Variants in SNTG2 observed in about 807,000 individuals in gnomAD.
SNTG2 encodes the protein syntrophin gamma 2.
Under a neutral mutation model 70.9 loss-of-function variants are expected in SNTG2, and 74 were observed. The ratio of observed to expected loss-of-function variants is 1.04; its 90% CI spans 0.86 to 1.27. SNTG2 has a LOEUF of 1.27. Ranked by LOEUF, SNTG2 falls within the 50% of genes most tolerant of loss-of-function variation. SNTG2 has a pLI of 0.00. For missense variants in SNTG2, 717 were observed against 690.7 expected (o/e 1.04, Z -0.43); for synonymous variants, 278 against 273.8 (o/e 1.02, Z -0.15).
chr2:957,707 T>C (rs1279829235), intron 1 of SNTG2, among the ~76,000 whole-genome samples: 2 of 151,930 alleles, frequency 1.3e-5, no homozygotes, highest in Non-Finnish European at 2.9e-5. Flanking sequence ...AAGGCGAGAC[T>C]GGTACTGAGA....
At chr2:1,280,173 G>C (rs1679455870) in intron 14 of SNTG2, among the ~76,000 whole-genome samples, 1 of 151,802 alleles carries the variant, frequency 6.6e-6, no homozygotes, top group African/African-American at 2.4e-5. Context: ...ATGTATTTTT[G>C]TTTCTCCTGA....
intron 2 of SNTG2, among the ~76,000 whole-genome samples, chr2:1,096,750 C>T (rs960633082): frequency 3.9e-5 from 6 of 152,164 alleles, no homozygotes; most frequent in Non-Finnish European, 5.9e-5. Flanking sequence ...GTATCCATAT[C>T]TTGGCTGTTG....
At chr2:1,229,348 A>C (rs1378042488) in intron 9 of SNTG2, among the ~76,000 whole-genome samples, 1 of 152,098 alleles carries the variant, frequency 6.6e-6, no homozygotes, top group Non-Finnish European at 1.5e-5. Context: ...CCAAGGCCCC[A>C]CTAGAGTAGC....
intron 2 of SNTG2, among the ~76,000 whole-genome samples, chr2:1,085,220 C>G (rs372919199): frequency 2.4e-4 from 37 of 152,146 alleles, no homozygotes; most frequent in African/African-American, 8.7e-4. Flanking sequence ...CTTTCGTAAT[C>G]ATTTTAAACT....
chr2:1,305,390 A>G (rs1680629885), intron 14 of SNTG2, among the ~76,000 whole-genome samples: 1 of 152,246 alleles, frequency 6.6e-6, no homozygotes, highest in African/African-American at 2.4e-5. Flanking sequence ...GTACACAAAA[A>G]TAAACATTCC....
intron 8 of SNTG2, among the ~76,000 whole-genome samples, chr2:1,197,188 A>G (rs1229655795): frequency 1.3e-5 from 2 of 152,156 alleles, no homozygotes; most frequent in Non-Finnish European, 2.9e-5. Flanking sequence ...TAGGTACAAC[A>G]ACAATGAAAT....
chr2:1,275,237 C>G (rs777378878), intron 14 of SNTG2, among the ~76,000 whole-genome samples: 1 of 152,324 alleles, frequency 6.6e-6, no homozygotes, highest in East Asian at 1.9e-4. Flanking sequence ...ATCCTTACCT[C>G]GGCAACTACA....
intron 7 of SNTG2, among the ~76,000 whole-genome samples, chr2:1,172,070 G>A (rs1244605641): frequency 2.6e-5 from 4 of 152,130 alleles, no homozygotes; most frequent in Admixed American, 1.3e-4. Flanking sequence ...AGCTTCACAG[G>A]GGTCTTTCCT....
chr2:1,025,651 G>T (rs1420457956), intron 1 of SNTG2, among the ~76,000 whole-genome samples: 1 of 152,124 alleles, frequency 6.6e-6, no homozygotes, highest in African/African-American at 2.4e-5. Context: ...ACAGCCAGCG[G>T]TGCAGCGTCT....
chr2:1,214,507 G>A (rs1674249583), intron 9 of SNTG2, among the ~76,000 whole-genome samples: 1 of 151,910 alleles, frequency 6.6e-6, no homozygotes, highest in Non-Finnish European at 1.5e-5. Context: ...TTATACTACT[G>A]TAAATGGGAT....
intron 12 of SNTG2, among the ~76,000 whole-genome samples, chr2:1,258,645 G>A (rs561433305): frequency 8.5e-5 from 13 of 152,290 alleles, no homozygotes; most frequent in African/African-American, 3.1e-4. Context: ...AGGAAAAAGT[G>A]CAGGGTCAAC....
intron 8 of SNTG2, among the ~76,000 whole-genome samples, chr2:1,198,656 A>G (rs1208300310): frequency 1.3e-5 from 2 of 152,106 alleles, no homozygotes; most frequent in Non-Finnish European, 2.9e-5. Flanking sequence ...TGCTAGCTAA[A>G]CAAAAAATAG....
At chr2:1,047,935 G>A (rs1661829156) in intron 1 of SNTG2, among the ~76,000 whole-genome samples, 1 of 151,780 alleles carries the variant, frequency 6.6e-6, no homozygotes, top group African/African-American at 2.4e-5. Flanking sequence ...TTATTGCAGG[G>A]GTTTTAACCA....
At chr2:957,807 C>T (rs1447087225) in intron 1 of SNTG2, among the ~76,000 whole-genome samples, 2 of 152,112 alleles carry the variant, frequency 1.3e-5, no homozygotes, top group East Asian at 3.9e-4. Context: ...AGGAGGCTCC[C>T]TGGAGCCTCT....
intron 11 of SNTG2, among the ~76,000 whole-genome samples, chr2:1,245,796 C>G (rs372065398): frequency 5.3e-5 from 8 of 152,204 alleles, no homozygotes; most frequent in African/African-American, 1.9e-4. Context: ...ACATCAGTGG[C>G]TTTTCCAGGT....
intron 1 of SNTG2, among the ~76,000 whole-genome samples, chr2:977,845 T>C (rs1230037251): frequency 6.6e-6 from 1 of 152,158 alleles, no homozygotes; most frequent in Non-Finnish European, 1.5e-5. Context: ...GGCAGAGCCT[T>C]CCCGCCTCGT....
chr2:1,185,850 G>T (rs181750507), intron 8 of SNTG2, among the ~76,000 whole-genome samples: 2 of 152,160 alleles, frequency 1.3e-5, no homozygotes, highest in Non-Finnish European at 2.9e-5. Flanking sequence ...TTAACATTTG[G>T]CTCCTCTTTA....
chr2:1,200,221 GC>G (rs1256402517), intron 8 of SNTG2, among the ~76,000 whole-genome samples: 1 of 151,582 alleles, frequency 6.6e-6, no homozygotes, highest in Non-Finnish European at 1.5e-5. Flanking sequence ...ACACATATTG[GC>G]AGCCAACTAA....
At chr2:1,313,712 C>G (rs1380391565) in intron 15 of SNTG2, among the ~76,000 whole-genome samples, 4 of 152,160 alleles carry the variant, frequency 2.6e-5, no homozygotes, top group African/African-American at 9.7e-5. Flanking sequence ...TCCGGCCACA[C>G]AGCTCTGAGA....
Sources: allele counts gnomAD v4.1 joint callset (sites outside exome capture counted in the v4.1 genomes callset), GRCh38; gene constraint gnomAD v4.1.1; transcripts MANE v1.5; gene names NCBI Gene and HGNC (gene_info 2026-07-23, HGNC 2026-07-21).